The following TBXAS1 variants were observed in gnomAD, a reference collection of about 807,000 sequenced individuals.
TBXAS1 encodes the protein thromboxane-A synthase.
A neutral mutation model predicts 60.7 loss-of-function variants in TBXAS1; 48 were observed. The observed-to-expected ratio is 0.79, with a 90% CI of 0.63 to 1.01. The LOEUF (loss-of-function observed/expected upper bound fraction) is 1.01, where lower values mean the gene tolerates loss of function less well. Among genes scored for constraint, TBXAS1 ranks in the 50% least tolerant of loss-of-function variants. The pLI is 0.00. For missense variants in TBXAS1, 685 were observed against 686.3 expected, an observed-to-expected ratio of 1.00 and a Z score of 0.02; for synonymous variants, 287 against 269.7, an observed-to-expected ratio of 1.06 and a Z score of -0.63.
exon 4 of TBXAS1, chr7:139,787,415 GAAC>G (rs1270396483): frequency 6.6e-6 from 1 of 152,178 alleles, no homozygotes; most frequent in African/African-American, 2.4e-5. Flanking sequence ...ATAGAAGGCA[GAAC>G]AACAACAGGT....
At chr7:139,909,723 T>C (rs1327384717) in intron 3 of TBXAS1, among the ~76,000 whole-genome samples, 1 of 152,244 alleles carries the variant, frequency 6.6e-6, no homozygotes, top group Admixed American at 6.5e-5. Flanking sequence ...AAATAAGTGC[T>C]AGAGTAAAAT....
chr7:139,998,893 GT>G (rs1813476011), intron 9 of TBXAS1, among the ~76,000 whole-genome samples: 1 of 152,220 alleles, frequency 6.6e-6, no homozygotes, highest in African/African-American at 2.4e-5. Context: ...AAAAATCTCT[GT>G]GTTTTTATGA....
At chr7:139,879,572 T>C (rs76601863) in intron 3 of TBXAS1, among the ~76,000 whole-genome samples, 2,338 of 152,248 alleles carry the variant, frequency 0.015, 33 homozygotes, top group African/African-American at 0.033. Flanking sequence ...TCGTCATACA[T>C]TGGTGATTGA....
At chr7:140,016,250 C>A (rs1019593715) in intron 11 of TBXAS1, 7 of 336,846 alleles carry the variant, frequency 2.1e-5, no homozygotes, top group Middle Eastern at 1.0e-3. Flanking sequence ...ATGGCGTGAA[C>A]CCAGGAGGCG....
intron 3 of TBXAS1, among the ~76,000 whole-genome samples, chr7:139,902,640 T>C (rs1360696806): frequency 6.6e-6 from 1 of 152,184 alleles, no homozygotes; most frequent in African/African-American, 2.4e-5. Context: ...AAGAGTGCAA[T>C]TGCTGGGTCA....
At chr7:139,803,816 CA>C (rs1451953444) in intron 4 of TBXAS1, among the ~76,000 whole-genome samples, 2 of 152,078 alleles carry the variant, frequency 1.3e-5, no homozygotes, top group African/African-American at 4.8e-5. Context: ...CCTGCAGGTG[CA>C]AAAAAGTCAA....
At chr7:139,788,779 C>T (rs187823872) in intron 4 of TBXAS1, among the ~76,000 whole-genome samples, 14 of 152,350 alleles carry the variant, frequency 9.2e-5, no homozygotes, top group African/African-American at 2.9e-4. Context: ...GGTTGGCCTG[C>T]CCCAGACTGG....
chr7:139,780,536 A>G (rs1163863695), intron 1 of TBXAS1, among the ~76,000 whole-genome samples: 3 of 152,230 alleles, frequency 2.0e-5, no homozygotes, highest in East Asian at 1.9e-4. Context: ...AATTTGTTGC[A>G]TGCTCCCTTG....
intron 4 of TBXAS1, among the ~76,000 whole-genome samples, chr7:139,933,404 T>C (rs895638369): frequency 1.3e-5 from 2 of 152,242 alleles, no homozygotes; most frequent in African/African-American, 4.8e-5. Flanking sequence ...TTATTCCATG[T>C]AGTGTGCCAC....
chr7:139,881,469 A>G (rs1584756997), intron 3 of TBXAS1, among the ~76,000 whole-genome samples: 1 of 151,008 alleles, frequency 6.6e-6, no homozygotes, highest in Non-Finnish European at 1.5e-5. Context: ...CCCCTCCAGG[A>G]GGGTAGAGTT....
chr7:139,941,451 A>G (rs1338063682), intron 5 of TBXAS1, among the ~76,000 whole-genome samples: 3 of 147,302 alleles, frequency 2.0e-5, no homozygotes, highest in East Asian at 2.0e-4. Flanking sequence ...TTTTTGGCCT[A>G]TGTCATACCA....
At position 139,859,199 on chromosome 7, in the gene TBXAS1, GT is replaced by G. The variant is rs1221686304; in HGVS notation, c.90-13016del. On this transcript the variant is annotated intron_variant, in intron 1 of 12. Coordinates refer to ENST00000448866, the MANE Select transcript of TBXAS1 (RefSeq NM_001061.7). ...CCAAAGCATTCATTTTTTATCGTTA[GT>G]TTTTTTTTTTTTTTTTTTTGAGACG... Among the ~76,000 whole-genome samples the G allele has an allele frequency of 2.9e-3, 334 of 114,652 alleles. 1 individual carries two copies. The highest frequency in any genetic ancestry group is 6.7e-3 in the Admixed American group (76 of 11,304). 75.2% of individuals were successfully genotyped at this position (114,652 alleles called of 152,430 possible). A position where few individuals can be genotyped will look rare whatever the true frequency, so the allele number is the denominator to read the frequency against.
chr7:139,980,739 C>A (rs77488091), intron 9 of TBXAS1, among the ~76,000 whole-genome samples: 16 of 151,930 alleles, frequency 1.1e-4, no homozygotes, highest in South Asian at 1.0e-3. Flanking sequence ...GCCTTCCCCC[C>A]CTGTCATTTC....
chr7:139,985,367 C>T (rs550252009), intron 9 of TBXAS1, among the ~76,000 whole-genome samples: 18 of 152,318 alleles, frequency 1.2e-4, no homozygotes, highest in African/African-American at 3.8e-4. Flanking sequence ...TGAATGGCAG[C>T]GAACCCTGGT....
At chr7:139,819,464 C>G (rs1310848839) in intron 4 of TBXAS1, among the ~76,000 whole-genome samples, 1 of 152,142 alleles carries the variant, frequency 6.6e-6, no homozygotes, top group Non-Finnish European at 1.5e-5. Flanking sequence ...CATTACAACA[C>G]TTATGCTATT....
At chr7:139,897,086 A>G (rs1804163989) in intron 3 of TBXAS1, among the ~76,000 whole-genome samples, 1 of 152,204 alleles carries the variant, frequency 6.6e-6, no homozygotes, top group Non-Finnish European at 1.5e-5. Context: ...TTCCCACTGC[A>G]TGCTTAACAC....
intron 3 of TBXAS1, among the ~76,000 whole-genome samples, chr7:139,883,352 C>G (rs776359980): frequency 2.0e-5 from 3 of 152,150 alleles, no homozygotes; most frequent in Non-Finnish European, 4.4e-5. Flanking sequence ...ATCCAAAGAC[C>G]CTTCTGAAGT....
At position 139,829,292 on chromosome 7, in the gene TBXAS1, G is replaced by C. The variant is rs1380264454; in HGVS notation, c.-99G>C. The C allele has an allele frequency of 1.8e-6, 2 of 1,103,596 alleles. No individual in the cohort carries two copies. Among genetic ancestry groups the C allele is most frequent in the Non-Finnish European group, 2.7e-6 (2 of 738,920 alleles). 68.4% of individuals were successfully genotyped at this position (1,103,596 alleles called of 1,614,324 possible). A position where few individuals can be genotyped will look rare whatever the true frequency, so the allele number is the denominator to read the frequency against. On this transcript the variant is annotated 5_prime_UTR_variant, in exon 1 of 13. Transcript: ENST00000448866. ...CCATGTGATGTTTGCTTGGTTGCCTGTTCCCTTTTCTACCTGCAGAGCACG... is the reference window on the plus strand; with the variant it reads ...CCATGTGATGTTTGCTTGGTTGCCTCTTCCCTTTTCTACCTGCAGAGCACG...
intron 5 of TBXAS1, among the ~76,000 whole-genome samples, chr7:139,939,440 C>T (rs1435426805): frequency 2.1e-5 from 3 of 144,826 alleles, no homozygotes; most frequent in South Asian, 4.5e-4. Flanking sequence ...ATTTACCATA[C>T]ACTATCAATA....
Sources: allele counts gnomAD v4.1 joint callset (sites outside exome capture counted in the v4.1 genomes callset), GRCh38; gene constraint gnomAD v4.1.1; transcripts MANE v1.5; gene names NCBI Gene and HGNC (gene_info 2026-07-23, HGNC 2026-07-21).